The following CPA5 variants were observed in gnomAD, a reference collection of about 807,000 sequenced individuals.
CPA5 encodes the protein testicular tissue protein Li 32.
CPA5 carries 38 observed loss-of-function variants against 52.2 expected under a neutral mutation model. That is an observed-to-expected ratio of 0.73 (90% CI 0.56 to 0.95). CPA5 has a LOEUF of 0.95. CPA5 is among the 40% of genes least tolerant of loss of function. CPA5 has a pLI of 0.00. For missense variants in CPA5, 519 were observed against 566.7 expected (o/e 0.92, Z 0.86); for synonymous variants, 198 against 213.7 (o/e 0.93, Z 0.64).
At chr7:130,359,523 G>A (rs1660133833) in intron 5 of CPA5, 66 bp from the exon 6 acceptor site, 1 of 1,173,432 alleles carries the variant, frequency 8.5e-7, no homozygotes, top group Non-Finnish European at 1.2e-6. Flanking sequence ...TGGAGGCAGG[G>A]CTCAGAAGAG....
chr7:130,365,831 C>T (rs950310052), intron 10 of CPA5, among the ~76,000 whole-genome samples: 1 of 152,266 alleles, frequency 6.6e-6, no homozygotes, highest in Non-Finnish European at 1.5e-5. Flanking sequence ...GCATCTGTTG[C>T]TGTTTGTCAT....
rs142725267 is a variant in CPA5, at chr7:130,347,002, G to A, written c.116+401G>A. Among the ~76,000 whole-genome samples the A allele has an allele frequency of 1.9e-3, 284 of 152,244 alleles. 2 individuals carry two copies. Among genetic ancestry groups the A allele is most frequent in the African/African-American group, 6.4e-3 (265 of 41,542 alleles). Reference sequence around the variant, plus strand: ...ATGGATGTGGGTGTCGTTCTCCTTCGAATGACAGGAAGTTCTAGTATTACA... The same window carrying A: ...ATGGATGTGGGTGTCGTTCTCCTTCAAATGACAGGAAGTTCTAGTATTACA... On this transcript the variant is annotated intron_variant, in intron 3 of 12. Transcript: ENST00000474905.
At chr7:130,361,487 A>G (rs1489304182) in intron 7 of CPA5, among the ~76,000 whole-genome samples, 1 of 152,124 alleles carries the variant, frequency 6.6e-6, no homozygotes, top group Non-Finnish European at 1.5e-5. Context: ...GAGGATGGCT[A>G]AGGAGTTGGG....
At chr7:130,345,591 T>C (rs1474533356) in intron 1 of CPA5, 3 of 152,228 alleles carry the variant, frequency 2.0e-5, no homozygotes, top group Non-Finnish European at 4.4e-5. Flanking sequence ...ACTCTAATAA[T>C]GACTGCGGTG....
chr7:130,374,099 G>C, the CPA5 span, among the ~76,000 whole-genome samples: 1 of 152,144 alleles, frequency 6.6e-6, no homozygotes, highest in Admixed American at 6.5e-5. Flanking sequence ...ACACGGGCCG[G>C]CTGTGCTCTG....
In CPA5 at chr7:130,347,794, G is replaced by C; in HGVS notation, c.145G>C (p.Asp49His). The change falls in exon 4 of 13, where the codon GAT becomes CAT. Residue 49 changes from aspartate (D) to histidine (H), a missense_variant. Coordinates refer to ENST00000474905, the MANE Select transcript of CPA5 (RefSeq NM_080385.5). ...GDQVLRVLAK[D>H]EKQLSLLGDL... is the part of the protein sequence containing the mutation. ...CCAGGTTCTTCGAGTCCTGGCCAAA[G>C]ATGAGAAGCAGCTTTCACTTCTCGG... 1 of 1,614,036 alleles carries C rather than the reference G, an allele frequency of 6.2e-7. No homozygotes were observed. The highest frequency in any genetic ancestry group is 8.5e-7 in the Non-Finnish European group (1 of 1,179,998).
chr7:130,347,916 C>T (rs1794871547), intron 4 of CPA5, 69 bp downstream of exon 4: 2 of 1,271,256 alleles, frequency 1.6e-6, no homozygotes, highest in Non-Finnish European at 1.1e-6. Context: ...AGCTCCTTGT[C>T]CTGCCCCCCT....
rs1346965953 is a variant in CPA5 at position 130,344,885 on chromosome 7, C to A, written c.-472C>A. The stretch of plus-strand genomic sequence containing the variant: ...CTCTCTCTCTTTTCCCACCCTTAAG[C>A]CAAGTACAGGGATAGTTGTCTCATC... On this transcript the variant is annotated 5_prime_UTR_variant, in exon 1 of 13. Coordinates refer to ENST00000474905, the MANE Select transcript of CPA5 (RefSeq NM_080385.5). The A allele has an allele frequency of 6.6e-6, 1 of 152,118 alleles. No individual in the cohort carries two copies. The highest frequency in any genetic ancestry group is 1.5e-5 in the Non-Finnish European group (1 of 68,030). 9.4% of individuals were successfully genotyped at this position (152,118 alleles called of 1,614,324 possible).
In CPA5 at chr7:130,350,027, T is replaced by C; in HGVS notation, c.251T>C (p.Val84Ala). ...CCCAGCCTCCCTGTGGATATGAGAG[T>C]TCCTTTCTCTGAACTGAAAGACATC... ...ARPSLPVDMR[V>A]PFSELKDIKA... Residue 84 changes from valine to alanine, a missense_variant, in exon 5 of 13, where the codon GTT becomes GCT. Coordinates refer to ENST00000474905, the MANE Select transcript of CPA5 (RefSeq NM_080385.5). 1.2e-6 allele frequency: 2 copies of C among 1,613,872 alleles called. No individual in the cohort carries two copies. The highest frequency in any genetic ancestry group is 8.5e-7 in the Non-Finnish European group (1 of 1,179,910).
intron 10 of CPA5, among the ~76,000 whole-genome samples, chr7:130,367,022 T>G (rs1796125496): frequency 6.6e-6 from 1 of 152,226 alleles, no homozygotes; most frequent in Non-Finnish European, 1.5e-5. Context: ...CAATGAAAGT[T>G]TGTTTTTCAT....
At chr7:130,360,358 T>C (rs1248262248) in intron 6 of CPA5, among the ~76,000 whole-genome samples, 1 of 152,212 alleles carries the variant, frequency 6.6e-6, no homozygotes, top group Non-Finnish European at 1.5e-5. Flanking sequence ...CAGCCATGTT[T>C]GTAGAATAAA....
intron 6 of CPA5, among the ~76,000 whole-genome samples, chr7:130,360,383 A>C (rs1275490934): frequency 1.3e-5 from 2 of 152,220 alleles, no homozygotes; most frequent in African/African-American, 4.8e-5. Flanking sequence ...AGGTGCCTTC[A>C]CTTGGAGAAA....
chr7:130,372,480 C>T (rs1554410039), downstream of CPA5, among the ~76,000 whole-genome samples: 1 of 152,184 alleles, frequency 6.6e-6, no homozygotes, highest in Non-Finnish European at 1.5e-5. Flanking sequence ...CCTGGGTATA[C>T]TGGGGACCCA....
intron 3 of CPA5, among the ~76,000 whole-genome samples, chr7:130,346,880 A>T (rs1794782084): frequency 6.6e-6 from 1 of 152,098 alleles, no homozygotes; most frequent in Non-Finnish European, 1.5e-5. Flanking sequence ...CAGTTTTCCT[A>T]TACAACAGGG....
At chr7:130,373,347 A>G (rs1796312357), downstream of CPA5, among the ~76,000 whole-genome samples, 5 of 149,146 alleles carry the variant, frequency 3.4e-5, no homozygotes, top group Admixed American at 3.3e-4. Flanking sequence ...TTCATCCTTT[A>G]CACCAGCAAA....
intron 5 of CPA5, among the ~76,000 whole-genome samples, chr7:130,355,456 G>A (rs1343734242): frequency 6.6e-6 from 1 of 152,146 alleles, no homozygotes; most frequent in Non-Finnish European, 1.5e-5. Flanking sequence ...GCCCAGGCTG[G>A]AGTGCAGTGG....
chr7:130,346,986 G>A (rs1176471714), intron 3 of CPA5, among the ~76,000 whole-genome samples: 1 of 152,136 alleles, frequency 6.6e-6, no homozygotes, highest in African/African-American at 2.4e-5. Context: ...AATGGATGTG[G>A]GTGTCGTTCT....
chr7:130,372,364 A>G (rs1324508736), downstream of CPA5, among the ~76,000 whole-genome samples: 1 of 152,228 alleles, frequency 6.6e-6, no homozygotes, highest in Non-Finnish European at 1.5e-5. Flanking sequence ...GTTTCACTCT[A>G]TGTGGCAGAA....
At chr7:130,370,112 A>G (rs986588480), downstream of CPA5, among the ~76,000 whole-genome samples, 1 of 152,252 alleles carries the variant, frequency 6.6e-6, no homozygotes, top group Admixed American at 6.5e-5. Flanking sequence ...TAGAGGCCAG[A>G]AGGCCAAACC....
Sources: allele counts gnomAD v4.1 joint callset (sites outside exome capture counted in the v4.1 genomes callset), GRCh38; gene constraint gnomAD v4.1.1; transcripts MANE v1.5; gene names NCBI Gene and HGNC (gene_info 2026-07-23, HGNC 2026-07-21).